The following DAOA variants were observed in gnomAD, a reference collection of about 807,000 sequenced individuals.
DAOA encodes the protein D-amino acid oxidase regulator.
DAOA carries 15 observed loss-of-function variants against 16.4 expected under a neutral mutation model. That is an observed-to-expected ratio of 0.91 (90% CI 0.61 to 1.41). The LOEUF (loss-of-function observed/expected upper bound fraction) is 1.41. Among genes scored for constraint, DAOA ranks in the 40% most tolerant of loss-of-function variants. The probability of loss-of-function intolerance (pLI) is 0.00; values close to 1 mark genes in which losing one functional copy is unlikely to be tolerated. For missense variants in DAOA, 230 were observed against 176.8 expected (o/e 1.30, Z -1.71); for synonymous variants, 75 against 59.1 (o/e 1.27, Z -1.23).
chr13:105,467,065 A>C lies in DAOA; in HGVS notation c.57A>C (p.Thr19=). 6.2e-7 allele frequency: 1 copy of C among 1,610,572 alleles called. No homozygotes were observed. The highest frequency in any genetic ancestry group is 8.5e-7 in the Non-Finnish European group (1 of 1,178,098). Residue 19 remains threonine, a synonymous_variant, in exon 3 of 6, where the codon ACA becomes ACC. Coordinates refer to ENST00000375936, the MANE Select transcript of DAOA (RefSeq NM_172370.5). ...CTTTAATTTTTAGATCCAGATATAC[A>C]TTGGGTAAAATCTACTTCATAGGTT... ...DSLQLFRSRY[T]LGKIYFIGFQ...
intron 4 of DAOA, among the ~76,000 whole-genome samples, chr13:105,483,387 T>C (rs1223282808): frequency 1.3e-5 from 2 of 152,214 alleles, no homozygotes; most frequent in Non-Finnish European, 2.9e-5. Context: ...ATAGATCTAA[T>C]AGTAGTTGGA....
At chr13:105,471,927 A>G (rs1011925574) in intron 3 of DAOA, among the ~76,000 whole-genome samples, 2 of 152,198 alleles carry the variant, frequency 1.3e-5, no homozygotes, top group African/African-American at 4.8e-5. Flanking sequence ...AGTCTTTCAC[A>G]ACTTTTTCCC....
At chr13:105,466,948 G>C (rs1876563620) in intron 2 of DAOA, 105 bp from the exon 3 acceptor site, 2 of 1,364,354 alleles carry the variant, frequency 1.5e-6, no homozygotes, top group African/African-American at 1.5e-5. Flanking sequence ...ATATGAAAGT[G>C]CTAAACCATA....
intron 3 of DAOA, among the ~76,000 whole-genome samples, chr13:105,468,053 G>T (rs148607845): frequency 1.9e-3 from 296 of 152,178 alleles, no homozygotes; most frequent in Non-Finnish European, 2.7e-3. Flanking sequence ...TTGGCTCGTG[G>T]CCTGCCCTCT....
rs1876906727 is a variant in DAOA at position 105,470,994 on chromosome 13, T to A, written c.134-1544T>A. Among the ~76,000 whole-genome samples, 3 of 152,150 alleles carry A rather than the reference T, an allele frequency of 2.0e-5. No homozygotes were observed. The South Asian group carries it at 6.2e-4, about 32-fold the overall frequency. On this transcript the variant is annotated intron_variant, in intron 3 of 5. Transcript: ENST00000375936. ...TAGTACAGATGGGGTTTCATCGTGT[T>A]AGCCATGATGGTCTTGATCTCCTGA...
intron 4 of DAOA, among the ~76,000 whole-genome samples, chr13:105,480,603 G>A (rs1877669838): frequency 6.6e-6 from 1 of 151,942 alleles, no homozygotes; most frequent in African/African-American, 2.4e-5. Context: ...CGTGATTATA[G>A]AGACTGAAAA....
intron 4 of DAOA, among the ~76,000 whole-genome samples, chr13:105,483,720 A>G (rs955639711): frequency 1.3e-5 from 2 of 151,374 alleles, no homozygotes; most frequent in Non-Finnish European, 2.9e-5. Context: ...AGGTTTCTTT[A>G]TACTTTCTGG....
intron 4 of DAOA, 92 bp from the exon 5 acceptor site, chr13:105,489,809 C>A (rs754386705): frequency 1.9e-6 from 3 of 1,612,244 alleles, no homozygotes; most frequent in Non-Finnish European, 2.5e-6. Flanking sequence ...GACTTCTAAC[C>A]AATGGAACAT....
intron 4 of DAOA, among the ~76,000 whole-genome samples, chr13:105,473,746 C>A (rs968748019): frequency 6.6e-6 from 1 of 152,002 alleles, no homozygotes; most frequent in African/African-American, 2.4e-5. Flanking sequence ...GTAGTAGAGG[C>A]TATAGTTTAT....
intron 4 of DAOA, among the ~76,000 whole-genome samples, chr13:105,484,401 G>A (rs1224805517): frequency 6.6e-6 from 1 of 152,050 alleles, no homozygotes; most frequent in Non-Finnish European, 1.5e-5. Context: ...AGCTATAGAT[G>A]AATTTGGGGA....
chr13:105,489,660 C>A (rs1035634901), intron 4 of DAOA: 1 of 892,840 alleles, frequency 1.1e-6, no homozygotes. Context: ...ATTCTTTATG[C>A]TTTTTCACAG....
At chr13:105,476,134 A>C (rs1877312859) in intron 4 of DAOA, among the ~76,000 whole-genome samples, 1 of 152,082 alleles carries the variant, frequency 6.6e-6, no homozygotes, top group Admixed American at 6.5e-5. Context: ...ATATTTTTTC[A>C]GACTCTTTCA....
intron 4 of DAOA, among the ~76,000 whole-genome samples, chr13:105,481,787 A>G (rs772957936): frequency 1.3e-5 from 2 of 152,152 alleles, no homozygotes; most frequent in Non-Finnish European, 2.9e-5. Context: ...ATATCTTAAT[A>G]ACAAGAATAC....
At position 105,472,647 on chromosome 13, in the gene DAOA, A is replaced by T. The variant is rs1468939826; in HGVS notation, c.243A>T (p.Leu81Phe). 6.2e-7 allele frequency: 1 copy of T among 1,613,944 alleles called. No individual in the cohort carries two copies. Among genetic ancestry groups the T allele is most frequent in the African/African-American group, 1.3e-5 (1 of 74,942 alleles). The change falls in exon 4 of 6, where the codon TTA (leucine) becomes TTT (phenylalanine). Residue 81 changes from leucine (L) to phenylalanine (F), a missense_variant. Transcript: ENST00000375936. ...CACAGAGGCATTTACAGAGATCATT[A>T]TGTCCTTGGGTCTCTTACCTTCCTC... ...EMAQRHLQRS[L>F]CPWVSYLPQP... is the part of the protein sequence containing the mutation.
chr13:105,473,986 T>C (rs1281781813), intron 4 of DAOA, among the ~76,000 whole-genome samples: 1 of 152,102 alleles, frequency 6.6e-6, no homozygotes, highest in Non-Finnish European at 1.5e-5. Context: ...TGTGTGAAGT[T>C]TCATGCTAGA....
intron 2 of DAOA, 148 bp from the exon 3 acceptor site, chr13:105,466,905 A>G (rs1028294739): frequency 1.9e-6 from 2 of 1,073,482 alleles, no homozygotes; most frequent in Non-Finnish European, 2.4e-6. Flanking sequence ...ATAAAAAAAT[A>G]AGACGTATTT....
intron 3 of DAOA, among the ~76,000 whole-genome samples, chr13:105,468,696 T>C (rs1319405662): frequency 6.6e-6 from 1 of 152,244 alleles, no homozygotes; most frequent in Non-Finnish European, 1.5e-5. Context: ...GCATGCAGTA[T>C]GTTAATTTCT....
intron 4 of DAOA, among the ~76,000 whole-genome samples, chr13:105,488,388 G>T (rs962814158): frequency 1.3e-5 from 2 of 152,032 alleles, no homozygotes; most frequent in African/African-American, 4.8e-5. Context: ...TTTTCATCCC[G>T]TTCTGATTTT....
chr13:105,490,852 T>C (rs1363802242), intron 5 of DAOA, 60 bp from the exon 6 acceptor site: 1 of 151,960 alleles, frequency 6.6e-6, no homozygotes, highest in Non-Finnish European at 1.5e-5. Context: ...CAAAACTGAC[T>C]TTCTATTAAA....
Sources: gnomAD v4.1 joint callset for allele counts (sites outside exome capture counted in the v4.1 genomes callset) on GRCh38, gnomAD v4.1.1 for gene constraint, MANE v1.5 for transcripts, NCBI Gene and HGNC (gene_info 2026-07-23, HGNC 2026-07-21) for gene names.